The following UGT1A4 variants were observed in gnomAD, a reference collection of about 807,000 sequenced individuals.
The protein encoded by UGT1A4 is UDP-glucuronosyltransferase 1A4.
Under a neutral mutation model 41.1 loss-of-function variants are expected in UGT1A4, and 32 were observed. The ratio of observed to expected loss-of-function variants is 0.78; its 90% CI spans 0.59 to 1.05. The LOEUF (loss-of-function observed/expected upper bound fraction) is 1.05, where lower values mean the gene tolerates loss of function less well. UGT1A4 is among the 50% of genes least tolerant of loss of function. The pLI, the probability that UGT1A4 is intolerant of heterozygous loss-of-function variation, is 0.00. For missense variants in UGT1A4, 748 were observed against 677.4 expected (o/e 1.10, Z -1.16); for synonymous variants, 283 against 265.1 (o/e 1.07, Z -0.66).
chr2:233,758,615 C>CA (rs1696924799), intron 1 of UGT1A4, among the ~76,000 whole-genome samples: 1 of 152,110 alleles, frequency 6.6e-6, no homozygotes, highest in Non-Finnish European at 1.5e-5. Flanking sequence ...TGTGCATGTG[C>CA]ATGCAAAGTA....
At chr2:233,747,652 A>G in intron 1 of UGT1A4, 1 of 1,589,470 alleles carries the variant, frequency 6.3e-7, no homozygotes, top group East Asian at 2.2e-5. Flanking sequence ...ACTTCCTTCG[A>G]TGTGGTTTTA....
intron 1 of UGT1A4, among the ~76,000 whole-genome samples, chr2:233,744,344 C>A (rs1692781957): frequency 6.6e-6 from 1 of 151,846 alleles, no homozygotes; most frequent in African/African-American, 2.4e-5. Flanking sequence ...CTGACTGGGG[C>A]TGAAGACATC....
intron 1 of UGT1A4, among the ~76,000 whole-genome samples, chr2:233,732,279 A>C (rs2078256222): frequency 6.6e-6 from 1 of 152,052 alleles, no homozygotes; most frequent in East Asian, 1.9e-4. Context: ...TGCTGTGGAG[A>C]AGCTCTTTAG....
chr2:233,741,020 G>A (rs946824154), intron 1 of UGT1A4: 9 of 151,702 alleles, frequency 5.9e-5, no homozygotes, highest in Admixed American at 3.3e-4. Context: ...CCAGGAATTC[G>A]TGGTTACAGT....
chr2:233,747,841 G>C (rs1575686388), intron 1 of UGT1A4: 1 of 1,613,504 alleles, frequency 6.2e-7, no homozygotes, highest in East Asian at 2.2e-5. Flanking sequence ...TTCCTGCAAA[G>C]GGTCAAGAAC....
At chr2:233,750,007 A>G (rs1252051416) in intron 1 of UGT1A4, among the ~76,000 whole-genome samples, 1 of 151,886 alleles carries the variant, frequency 6.6e-6, no homozygotes, top group African/African-American at 2.4e-5. Flanking sequence ...AATTGGTGCC[A>G]TGGAGAGTGG....
At chr2:233,739,918 T>C (rs1575632669) in intron 1 of UGT1A4, among the ~76,000 whole-genome samples, 1 of 151,914 alleles carries the variant, frequency 6.6e-6, no homozygotes, top group East Asian at 1.9e-4. Flanking sequence ...GTAATTTCCA[T>C]AATCCCCATG....
At position 233,768,432 on chromosome 2, in the gene UGT1A4, G is replaced by C; in HGVS notation, c.1300G>C (p.Asp434His). 6.2e-7 allele frequency: 1 copy of C among 1,613,814 alleles called. No individual in the cohort carries two copies. Among genetic ancestry groups the C allele is most frequent in the Non-Finnish European group, 8.5e-7 (1 of 1,179,896 alleles). The change falls in exon 4 of 5, where the codon GAC becomes CAC. Residue 434 changes from aspartate to histidine, a missense_variant. Physicochemically the swap from Asp to His is moderately conservative, Grantham distance 81. Coordinates refer to ENST00000373409, the MANE Select transcript of UGT1A4 (RefSeq NM_007120.3). ...AAATGCTCTAAAAGCAGTCATCAAT[G>C]ACAAAAGGTAAGAAAGAAGATACAG... is the stretch of plus-strand genomic sequence containing the variant. The part of the protein sequence containing the change: ...LENALKAVIN[D>H]KSYKENIMRL...
At chr2:233,754,544 A>G in intron 1 of UGT1A4, 1 of 379,568 alleles carries the variant, frequency 2.6e-6, no homozygotes, top group Non-Finnish European at 5.2e-6. Context: ...GACTGGAATT[A>G]CTTGGTGTCA....
intron 1 of UGT1A4, among the ~76,000 whole-genome samples, chr2:233,757,562 G>GATATATATATATATA (rs1696648748): frequency 1.1e-5 from 1 of 90,870 alleles, no homozygotes; most frequent in Non-Finnish European, 2.1e-5. Context: ...ATATATATAT[G>GATATATATATATATA]TATATATGAT....
At chr2:233,762,598 T>C (rs903275038) in intron 1 of UGT1A4, among the ~76,000 whole-genome samples, 9 of 152,226 alleles carry the variant, frequency 5.9e-5, no homozygotes, top group Admixed American at 2.6e-4. Context: ...CAATTTGTAT[T>C]CCAGGAGTTT....
In UGT1A4 at chr2:233,719,006, C is replaced by T. The variant is rs899895461; in HGVS notation, c.186C>T (p.Thr62=). The change falls in exon 1 of 5, where the codon ACC becomes ACT. Residue 62 remains threonine, a synonymous_variant. Transcript: ENST00000373409. ...GAGGCCACCAGGCGGTGGTCCTCACCCCAGAGGTGAATATGCACATCAAAG... is the reference window on the plus strand; with the variant it reads ...GAGGCCACCAGGCGGTGGTCCTCACTCCAGAGGTGAATATGCACATCAAAG... ...HARGHQAVVL[T]PEVNMHIKEE... The T allele has an allele frequency of 1.9e-6, 3 of 1,614,196 alleles. No individual in the cohort carries two copies. The East Asian group carries it at 6.7e-5, about 36-fold the overall frequency.
At chr2:233,734,022 G>T (rs1181978921) in intron 1 of UGT1A4, among the ~76,000 whole-genome samples, 1 of 151,928 alleles carries the variant, frequency 6.6e-6, no homozygotes, top group Non-Finnish European at 1.5e-5. Context: ...CGAGTTAATG[G>T]GTGCAGCACA....
intron 1 of UGT1A4, chr2:233,729,803 C>G (rs771141060): frequency 8.1e-6 from 13 of 1,613,810 alleles, no homozygotes; most frequent in Admixed American, 3.3e-5. Context: ...ATTTGCCATG[C>G]TTTTTCTGCT....
At position 233,718,944 on chromosome 2, in the gene UGT1A4, C is replaced by A. The variant is rs553189135; in HGVS notation, c.124C>A (p.Leu42Ile). ...GGTGCCCACTGATGGCAGCCCCTGG[C>A]TCAGCATGCGGGAGGCCTTGCGGGA... The part of the protein sequence containing the change: ...LVVPTDGSPW[L>I]SMREALRELH... The change falls in exon 1 of 5, where the codon CTC becomes ATC. Residue 42 changes from leucine (L) to isoleucine (I), a missense_variant. Transcript: ENST00000373409. 3 of 1,614,178 alleles carry A rather than the reference C, an allele frequency of 1.9e-6. No homozygotes were observed. Among genetic ancestry groups the A allele is most frequent in the East Asian group, 2.2e-5 (1 of 44,874 alleles).
chr2:233,762,111 A>T (rs899038640), intron 1 of UGT1A4, among the ~76,000 whole-genome samples: 1 of 152,200 alleles, frequency 6.6e-6, no homozygotes, highest in South Asian at 2.1e-4. Flanking sequence ...TGTCCGCTTC[A>T]CATCATGAGC....
rs72551358 is a variant in UGT1A4 at position 233,772,345 on chromosome 2, A to T, written c.1391A>T (p.Glu464Val). Residue 464 changes from glutamate (E) to valine (V), a missense_variant, in exon 5 of 5, where the codon GAG becomes GTG. Coordinates refer to ENST00000373409, the MANE Select transcript of UGT1A4 (RefSeq NM_007120.3). ...CTGGACCTGGCCGTGTTCTGGGTGGAGTTTGTGATGAGGCACAAGGGCGCG... is the reference window on the plus strand; with the variant it reads ...CTGGACCTGGCCGTGTTCTGGGTGGTGTTTGTGATGAGGCACAAGGGCGCG... ...EPLDLAVFWV[E>V]FVMRHKGAPH... 7 of 1,614,196 alleles carry T rather than the reference A, an allele frequency of 4.3e-6. No homozygotes were observed. In the South Asian group the frequency reaches 7.7e-5, roughly 18 times the overall value.
In UGT1A4 at chr2:233,769,619, C is replaced by T; in HGVS notation, c.1307+1180C>T. The T allele has an allele frequency of 6.2e-7, 1 of 1,612,516 alleles. No individual in the cohort carries two copies. Among genetic ancestry groups the T allele is most frequent in the African/African-American group, 1.3e-5 (1 of 75,052 alleles). ...GAACACGGGGACACACCAGCTTGAG[C>T]AAGGGACAACAGGGGAGGACTGATG... On this transcript the variant is annotated intron_variant, in intron 4 of 4. Transcript: ENST00000373409. The surrounding 1 kb of genome is among the most constrained non-coding windows in gnomAD (Gnocchi z 4.4).
chr2:233,761,536 A>C (rs1039884807), intron 1 of UGT1A4, among the ~76,000 whole-genome samples: 1 of 152,248 alleles, frequency 6.6e-6, no homozygotes, highest in Non-Finnish European at 1.5e-5. Context: ...TGATGAAATC[A>C]TTCTTTGATG....
Sources: gnomAD v4.1 joint callset for allele counts (sites outside exome capture counted in the v4.1 genomes callset) on GRCh38, gnomAD v4.1.1 for gene constraint, Gnocchi (gnomAD v3.1) non-coding constraint, MANE v1.5 for transcripts, NCBI Gene and HGNC (gene_info 2026-07-23, HGNC 2026-07-21) for gene names.